The following MTHFD1L variants were observed in gnomAD, a reference collection of about 807,000 sequenced individuals.
The protein encoded by MTHFD1L is methylenetetrahydrofolate dehydrogenase (NADP+ dependent) 1 like.
A neutral mutation model predicts 119.5 loss-of-function variants in MTHFD1L; 81 were observed. The ratio of observed to expected loss-of-function variants is 0.68; its 90% CI spans 0.57 to 0.82. The LOEUF (loss-of-function observed/expected upper bound fraction) is 0.82. Ranked by LOEUF, MTHFD1L falls within the 40% of genes least tolerant of loss-of-function variation. The pLI is 0.00. For synonymous variants in MTHFD1L, 430 were observed against 475.2 expected, an observed-to-expected ratio of 0.90 and a Z score of 1.24; for missense variants, 1,125 against 1,253.4, an observed-to-expected ratio of 0.90 and a Z score of 1.55.
intron 20 of MTHFD1L, among the ~76,000 whole-genome samples, chr6:150,978,101 AT>A (rs1376932857): frequency 6.6e-6 from 1 of 151,972 alleles, no homozygotes; most frequent in Non-Finnish European, 1.5e-5. Context: ...TGGTTTCACC[AT>A]GTTAGCCAGG....
chr6:150,933,756 T>C (rs1183092224), intron 11 of MTHFD1L, among the ~76,000 whole-genome samples: 1 of 152,280 alleles, frequency 6.6e-6, no homozygotes, highest in East Asian at 1.9e-4. Flanking sequence ...CTTCCTGTCA[T>C]GTTCTGCCTT....
At chr6:151,068,496 C>T (rs1791572210) in intron 26 of MTHFD1L, among the ~76,000 whole-genome samples, 2 of 152,182 alleles carry the variant, frequency 1.3e-5, no homozygotes, top group South Asian at 2.1e-4. Flanking sequence ...TCTGCTTGAA[C>T]CGAGGGTTCA....
rs150576882 is a variant in MTHFD1L at position 150,959,307 on chromosome 6, T to C, written c.1804-968T>C. On this transcript the variant is annotated intron_variant, in intron 17 of 27. Transcript: ENST00000367321. ...TGATCCCACCAGGGCACAGCCATTC[T>C]CTCTCTGCGTAAGCTTGAACTTGTC... 28 of 615,790 alleles carry C rather than the reference T, an allele frequency of 4.5e-5. No homozygotes were observed. In the East Asian group the frequency reaches 2.4e-3, roughly 52 times the overall value. 38.1% of individuals were successfully genotyped at this position (615,790 alleles called of 1,614,324 possible).
intron 20 of MTHFD1L, among the ~76,000 whole-genome samples, chr6:150,994,094 A>AAAGAAAGAAAGAAAGTAAGT (rs1482239065): frequency 4.2e-5 from 5 of 119,530 alleles, no homozygotes; most frequent in Admixed American, 4.2e-4. Context: ...AGAAAGAAAG[A>AAAGAAAGAAAGAAAGTAAGT]AAGTGACCCA....
intron 7 of MTHFD1L, among the ~76,000 whole-genome samples, chr6:150,898,185 A>G (rs1224396739): frequency 6.6e-6 from 1 of 152,156 alleles, no homozygotes; most frequent in East Asian, 1.9e-4. Context: ...AACATAACCT[A>G]TAACAATGAA....
At chr6:150,892,605 C>T (rs7766136) in intron 7 of MTHFD1L, among the ~76,000 whole-genome samples, 3,350 of 152,222 alleles carry the variant, frequency 0.022, 138 homozygotes, top group African/African-American at 0.077. Context: ...AAGAAATGTT[C>T]ATAGCCCCGC....
chr6:150,964,814 G>T (rs564258142), intron 18 of MTHFD1L, among the ~76,000 whole-genome samples, 155 bp from the exon 19 acceptor site: 1 of 152,292 alleles, frequency 6.6e-6, no homozygotes, highest in East Asian at 1.9e-4. Flanking sequence ...CTCTGGTGGG[G>T]AGAGGTGGAC....
chr6:150,942,302 A>G (rs1028916626), intron 13 of MTHFD1L, among the ~76,000 whole-genome samples: 1 of 152,130 alleles, frequency 6.6e-6, no homozygotes, highest in African/African-American at 2.4e-5. Flanking sequence ...ATCAGTTACC[A>G]TTTTACTTGT....
At chr6:150,923,544 C>CTTTTTTTTTTTTTTTTTTT (rs61415562) in intron 10 of MTHFD1L, among the ~76,000 whole-genome samples, 1 of 53,228 alleles carries the variant, frequency 1.9e-5, no homozygotes, top group Non-Finnish European at 4.0e-5. Flanking sequence ...TTTATTTTTT[C>CTTTTTTTTTTTTTTTTTTT]TTTTTTTTTT....
chr6:150,876,726 A>G (rs746686501), intron 2 of MTHFD1L, among the ~76,000 whole-genome samples: 3 of 152,186 alleles, frequency 2.0e-5, no homozygotes, highest in Non-Finnish European at 4.4e-5. Flanking sequence ...CACTTGTGTG[A>G]TGGCAGGTGC....
Position 151,016,983 on chromosome 6 carries a change from C to T in MTHFD1L, c.2586+1290C>T, listed in dbSNP as rs180731868. 7.5e-3 allele frequency among the ~76,000 whole-genome samples: 1,133 copies of T among 151,506 alleles called. 12 individuals are homozygous for T. The highest frequency in any genetic ancestry group is 0.025 in the African/African-American group (1,030 of 41,296). On this transcript the variant is annotated intron_variant, in intron 24 of 27. Transcript: ENST00000367321. ...AGAGTCGGGGTTTCACCGTGTTGCC[C>T]GGGCTGGTCTCGAACTCCTGAGCTC...
intron 8 of MTHFD1L, among the ~76,000 whole-genome samples, chr6:150,909,479 A>G (rs112642868): frequency 5.3e-5 from 8 of 152,192 alleles, no homozygotes; most frequent in African/African-American, 1.9e-4. Context: ...CCGGCCTCAA[A>G]TAGTCCTCCC....
intron 4 of MTHFD1L, among the ~76,000 whole-genome samples, chr6:150,881,211 A>G (rs966252485): frequency 7.2e-5 from 11 of 152,094 alleles, no homozygotes; most frequent in African/African-American, 2.7e-4. Flanking sequence ...TAGTAGTTTT[A>G]TGGTTTGAGA....
At chr6:150,959,153 T>C in intron 17 of MTHFD1L, 4 of 976,904 alleles carry the variant, frequency 4.1e-6, no homozygotes, top group Non-Finnish European at 4.9e-6. Context: ...TATTTGACTT[T>C]CAGGTAATAT....
chr6:150,900,457 T>C (rs1013855150), intron 7 of MTHFD1L, among the ~76,000 whole-genome samples: 1 of 152,160 alleles, frequency 6.6e-6, no homozygotes, highest in Admixed American at 6.6e-5. Context: ...CAGTTTCCCC[T>C]GGGGAATCCA....
At position 151,010,125 on chromosome 6, in the gene MTHFD1L, T is replaced by A. The variant is rs1782015797; in HGVS notation, c.2265+167T>A. On this transcript the variant is annotated intron_variant, in intron 21 of 27. Coordinates refer to ENST00000367321, the MANE Select transcript of MTHFD1L (RefSeq NM_015440.5). ...TCCCTCGTGGACATCTAAAACGTTT[T>A]TTGTTTTGTGTTGTTTTTTGTTTTT... is the stretch of plus-strand genomic sequence containing the variant. Among the ~76,000 whole-genome samples, 5 of 152,216 alleles carry A rather than the reference T, an allele frequency of 3.3e-5. No homozygotes were observed. In the South Asian group the frequency reaches 1.0e-3, roughly 32 times the overall value.
chr6:150,918,544 GAA>G (rs1788381557), intron 8 of MTHFD1L, 31 bp from the exon 9 acceptor site: 2 of 1,453,724 alleles, frequency 1.4e-6, no homozygotes, highest in African/African-American at 1.4e-5. Context: ...ACAGTGTACT[GAA>G]AGTCTTTTTT....
At chr6:150,936,444 A>G (rs1203502353) in intron 11 of MTHFD1L, among the ~76,000 whole-genome samples, 1 of 152,210 alleles carries the variant, frequency 6.6e-6, no homozygotes, top group African/African-American at 2.4e-5. Context: ...CCCTGCCCCA[A>G]TAAATGGCTC....
chr6:151,080,042 T>C (rs2128631550), intron 26 of MTHFD1L, among the ~76,000 whole-genome samples: 1 of 151,554 alleles, frequency 6.6e-6, no homozygotes, highest in East Asian at 2.0e-4. Flanking sequence ...CTGGGCGTGG[T>C]AGTGCACATC....
Sources: allele counts gnomAD v4.1 joint callset (sites outside exome capture counted in the v4.1 genomes callset), GRCh38; gene constraint gnomAD v4.1.1; transcripts MANE v1.5; gene names NCBI Gene and HGNC (gene_info 2026-07-23, HGNC 2026-07-21).